NTRK3: variants seen among roughly 807,000 people sequenced by gnomAD.
The protein encoded by NTRK3 is neurotrophic receptor tyrosine kinase 3, also known as NT-3 growth factor receptor.
In NTRK3, 24 loss-of-function variants were observed where a neutral mutation model predicts 91.7. The ratio of observed to expected loss-of-function variants is 0.26; its 90% confidence interval spans 0.19 to 0.37. The LOEUF is 0.37. NTRK3 is among the 10% of genes least tolerant of loss of function. NTRK3 has a pLI of 1.00. For missense variants in NTRK3, 880 were observed against 1,068.9 expected, an observed-to-expected ratio of 0.82 and a Z score of 2.46; for synonymous variants, 483 against 404.0, an observed-to-expected ratio of 1.20 and a Z score of -2.34.
chr15:88,007,196 C>T (rs2076556769), intron 14 of NTRK3, among the ~76,000 whole-genome samples: 1 of 152,164 alleles, frequency 6.6e-6, no homozygotes, highest in South Asian at 2.1e-4. Flanking sequence ...AATAACTATC[C>T]TATATGGGCA....
At chr15:88,127,643 G>C (rs1040184545) in intron 11 of NTRK3, among the ~76,000 whole-genome samples, 7 of 152,158 alleles carry the variant, frequency 4.6e-5, no homozygotes, top group African/African-American at 1.7e-4. Context: ...GCTACTCCTT[G>C]CCACAGGCAT....
intron 14 of NTRK3, among the ~76,000 whole-genome samples, chr15:87,999,674 C>T (rs968810292): frequency 3.8e-4 from 58 of 152,204 alleles, no homozygotes; most frequent in African/African-American, 1.3e-3. Context: ...GAGGACATGA[C>T]TAAATTGGAA....
Position 88,222,144 on chromosome 15 carries a change from C to T in NTRK3, c.248+33762G>A, listed in dbSNP as rs2050287371. ...CTGTTTGCCAACTAACTGGAATGCA[C>T]GTGGGTCAGAACTCAGAGATTCTCT... On this transcript the variant is annotated intron_variant, in intron 3 of 18. Transcript: ENST00000394480. 4.6e-5 allele frequency among the ~76,000 whole-genome samples: 7 copies of T among 152,328 alleles called. 1 individual carries two copies. In the South Asian group the frequency reaches 1.0e-3, roughly 23 times the overall value.
intron 3 of NTRK3, among the ~76,000 whole-genome samples, chr15:88,199,834 G>A (rs1411779422): frequency 6.6e-6 from 1 of 152,230 alleles, no homozygotes; most frequent in Non-Finnish European, 1.5e-5. Flanking sequence ...CCAGGGGCTT[G>A]GGAATGTAGA....
At chr15:88,010,769 A>C (rs890181841) in intron 14 of NTRK3, among the ~76,000 whole-genome samples, 2 of 147,454 alleles carry the variant, frequency 1.4e-5, no homozygotes, top group African/African-American at 2.6e-5. Flanking sequence ...CACACACACA[A>C]AATCAAAGTA....
chr15:88,103,507 C>A (rs775686949), intron 13 of NTRK3, among the ~76,000 whole-genome samples: 1 of 152,118 alleles, frequency 6.6e-6, no homozygotes, highest in South Asian at 2.1e-4. Context: ...TTCTGATTCA[C>A]CAGAGTGGCG....
At chr15:87,946,874 C>CTT (rs560114979) in intron 14 of NTRK3, among the ~76,000 whole-genome samples, 2,001 of 85,458 alleles carry the variant, frequency 0.023, 7 homozygotes, top group Middle Eastern at 0.058. Flanking sequence ...TTCGTGGGTT[C>CTT]TTTTTTTTTT....
rs530848501 is a variant in NTRK3, at chr15:87,939,405, T to A, written c.1716+1218A>T. Among the ~76,000 whole-genome samples the A allele has an allele frequency of 4.6e-4, 70 of 152,312 alleles. No homozygotes were observed. The South Asian group carries it at 0.014, about 30-fold the overall frequency. ...AATTGAGGCCCAAAGAAGTTGAGTGTTTTGTGAAATGTCCCAAAGCTTATC... is the reference window on the plus strand; with the variant it reads ...AATTGAGGCCCAAAGAAGTTGAGTGATTTGTGAAATGTCCCAAAGCTTATC... On this transcript the variant is annotated intron_variant, in intron 15 of 18. Coordinates refer to ENST00000394480, the Ensembl canonical transcript of NTRK3.
intron 13 of NTRK3, chr15:88,072,999 T>C (rs1240586028): frequency 5.0e-6 from 1 of 200,750 alleles, no homozygotes; most frequent in Non-Finnish European, 1.0e-5. Flanking sequence ...TAGTTCCCAT[T>C]TGACAGATGG....
chr15:88,128,282 C>T (rs1250431019), intron 11 of NTRK3, among the ~76,000 whole-genome samples: 5 of 152,214 alleles, frequency 3.3e-5, no homozygotes, highest in Middle Eastern at 3.2e-3. Context: ...GTCAAGCTCT[C>T]ATGAGGCGAG....
At chr15:87,864,386 G>A (rs1280271726) in exon 19 of NTRK3, 1 of 231,152 alleles carries the variant, frequency 4.3e-6, no homozygotes, top group Non-Finnish European at 8.6e-6. Context: ...CAGAGAAGGG[G>A]CAGATGGTGA....
chr15:88,135,796 C>A lies in NTRK3; in HGVS notation c.907+103G>T. On this transcript the variant is annotated intron_variant, in intron 9 of 18. Transcript: ENST00000394480. ...CCTTCTGTCCCTACTGGTAGATCAG[C>A]TCACTGCTCTAGCTCACCCCTGACA... 3 of 1,453,968 alleles carry A rather than the reference C, an allele frequency of 2.1e-6. No individual in the cohort carries two copies. The South Asian group carries it at 3.6e-5, about 18-fold the overall frequency. The allele number at this position is 1,453,968 out of a possible 1,614,324, so 90.1% of individuals were successfully genotyped here.
At chr15:88,055,930 G>A (rs180768695) in intron 13 of NTRK3, among the ~76,000 whole-genome samples, 30 of 152,072 alleles carry the variant, frequency 2.0e-4, no homozygotes, top group African/African-American at 2.7e-4. Flanking sequence ...CTATCTTATC[G>A]TTCCCATTGT....
intron 14 of NTRK3, among the ~76,000 whole-genome samples, chr15:87,947,415 G>A (rs1284951487): frequency 6.6e-6 from 1 of 152,168 alleles, no homozygotes; most frequent in Non-Finnish European, 1.5e-5. Context: ...ACTGGCATCA[G>A]TACTTGGTAG....
chr15:88,166,852 T>G (rs556507401), intron 5 of NTRK3, among the ~76,000 whole-genome samples: 1 of 152,164 alleles, frequency 6.6e-6, no homozygotes, highest in Non-Finnish European at 1.5e-5. Context: ...GAAGATGGAT[T>G]ACTGTTGGAA....
chr15:87,880,401 G>A (rs1478926904), exon 18 of NTRK3: 5 of 1,614,032 alleles, frequency 3.1e-6, no homozygotes, highest in Non-Finnish European at 4.2e-6. Flanking sequence ...GGCATCCAGC[G>A]AATGGGGAGC....
intron 13 of NTRK3, among the ~76,000 whole-genome samples, chr15:88,061,519 C>T (rs986070689): frequency 3.3e-5 from 5 of 152,204 alleles, no homozygotes; most frequent in Admixed American, 2.6e-4. Flanking sequence ...TACAGAGAAG[C>T]GGCACAGAGC....
At chr15:88,051,923 A>G (rs1443130086) in intron 13 of NTRK3, among the ~76,000 whole-genome samples, 1 of 152,206 alleles carries the variant, frequency 6.6e-6, no homozygotes, top group East Asian at 1.9e-4. Context: ...ACTTCTCATC[A>G]AAGCAAGAGG....
intron 5 of NTRK3, among the ~76,000 whole-genome samples, chr15:88,147,947 C>T (rs942530462): frequency 1.3e-5 from 2 of 152,138 alleles, no homozygotes; most frequent in Non-Finnish European, 2.9e-5. Flanking sequence ...TTAGGATGTA[C>T]AGGGGAAAGG....
Sources: gnomAD v4.1 joint callset for allele counts (sites outside exome capture counted in the v4.1 genomes callset) on GRCh38, gnomAD v4.1.1 for gene constraint, MANE v1.5 for transcripts, NCBI Gene and HGNC (gene_info 2026-07-23, HGNC 2026-07-21) for gene names.